The following ARHGAP15 variants were observed in gnomAD, a reference collection of about 807,000 sequenced individuals.
ARHGAP15 encodes rho GTPase-activating protein 15.
A neutral mutation model predicts 63.7 loss-of-function variants in ARHGAP15; 51 were observed. The ratio of observed to expected loss-of-function variants is 0.80; its 90% confidence interval spans 0.64 to 1.01. The LOEUF (loss-of-function observed/expected upper bound fraction) is 1.01, where lower values mean the gene tolerates loss of function less well. Among genes scored for constraint, ARHGAP15 ranks in the 50% least tolerant of loss-of-function variants. The pLI, the probability that ARHGAP15 is intolerant of heterozygous loss-of-function variation, is 0.00. For missense variants in ARHGAP15, 560 were observed against 564.6 expected, an observed-to-expected ratio of 0.99 and a Z score of 0.08; for synonymous variants, 191 against 193.8, an observed-to-expected ratio of 0.99 and a Z score of 0.12.
At chr2:143,233,192 T>A (rs1253707591) in intron 5 of ARHGAP15, among the ~76,000 whole-genome samples, 3 of 152,132 alleles carry the variant, frequency 2.0e-5, no homozygotes, top group Non-Finnish European at 4.4e-5. Context: ...CATTCTTTGC[T>A]ATTTATTTCT....
intron 6 of ARHGAP15, among the ~76,000 whole-genome samples, chr2:143,302,910 T>TAAG (rs1394542296): frequency 6.9e-6 from 1 of 143,934 alleles, no homozygotes; most frequent in Non-Finnish European, 1.6e-5. Context: ...CCTCTGTAAA[T>TAAG]AAGTATAAAA....
At chr2:143,141,305 G>A (rs901895822) in intron 1 of ARHGAP15, among the ~76,000 whole-genome samples, 1 of 152,076 alleles carries the variant, frequency 6.6e-6, no homozygotes, top group Admixed American at 6.6e-5. Flanking sequence ...ACCAATTTCA[G>A]TACTAATTCT....
intron 12 of ARHGAP15, among the ~76,000 whole-genome samples, chr2:143,631,364 G>A (rs976814545): frequency 6.6e-6 from 1 of 152,020 alleles, no homozygotes; most frequent in Non-Finnish European, 1.5e-5. Context: ...TGGTTCATAT[G>A]GTAGGTATAT....
intron 8 of ARHGAP15, among the ~76,000 whole-genome samples, chr2:143,457,375 C>CA (rs1462372378): frequency 6.6e-6 from 1 of 151,816 alleles, no homozygotes; most frequent in African/African-American, 2.4e-5. Flanking sequence ...CCAGTCTCCA[C>CA]AAAAAATAAA....
intron 6 of ARHGAP15, among the ~76,000 whole-genome samples, chr2:143,377,428 T>A (rs1165194825): frequency 6.6e-6 from 1 of 151,810 alleles, no homozygotes; most frequent in Admixed American, 6.6e-5. Flanking sequence ...ATTGAAAAAA[T>A]AAAATAATAA....
chr2:143,210,285 G>C (rs986810135), intron 3 of ARHGAP15, among the ~76,000 whole-genome samples: 2 of 152,000 alleles, frequency 1.3e-5, no homozygotes, highest in Non-Finnish European at 2.9e-5. Context: ...ATACAAAAAG[G>C]GTGCCTTCCT....
chr2:143,369,392 A>C (rs1238484312), intron 6 of ARHGAP15, among the ~76,000 whole-genome samples: 1 of 152,148 alleles, frequency 6.6e-6, no homozygotes, highest in Non-Finnish European at 1.5e-5. Flanking sequence ...ATTATATAAA[A>C]TATATTTTCT....
chr2:143,695,590 A>G (rs898772846), intron 12 of ARHGAP15, among the ~76,000 whole-genome samples: 8 of 152,170 alleles, frequency 5.3e-5, no homozygotes, highest in Non-Finnish European at 1.0e-4. Context: ...TTACTTAAGC[A>G]GGATATGGTG....
At chr2:143,370,935 C>A (rs1191604038) in intron 6 of ARHGAP15, among the ~76,000 whole-genome samples, 1 of 152,158 alleles carries the variant, frequency 6.6e-6, no homozygotes, top group Admixed American at 6.5e-5. Context: ...TTAATCATGA[C>A]TTTTTTTCTC....
intron 1 of ARHGAP15, among the ~76,000 whole-genome samples, chr2:143,143,509 A>T (rs982283767): frequency 6.8e-6 from 1 of 146,748 alleles, no homozygotes. Flanking sequence ...AATTTTGTGG[A>T]TTTTTTTTTC....
intron 2 of ARHGAP15, among the ~76,000 whole-genome samples, chr2:143,166,347 C>G (rs1165175563): frequency 1.3e-5 from 2 of 152,128 alleles, no homozygotes; most frequent in Admixed American, 1.3e-4. Flanking sequence ...GTGTGTCCCT[C>G]TAAGAGTCCC....
intron 6 of ARHGAP15, among the ~76,000 whole-genome samples, chr2:143,312,636 A>G (rs778640840): frequency 2.0e-5 from 3 of 152,162 alleles, no homozygotes; most frequent in Non-Finnish European, 4.4e-5. Flanking sequence ...GTGAATTCAT[A>G]TTAACAGATG....
chr2:143,192,160 C>T (rs1039780921), intron 2 of ARHGAP15, among the ~76,000 whole-genome samples: 1 of 152,174 alleles, frequency 6.6e-6, no homozygotes, highest in African/African-American at 2.4e-5. Context: ...TTGGTTTTGG[C>T]CATTGGGTAT....
intron 11 of ARHGAP15, among the ~76,000 whole-genome samples, chr2:143,600,723 T>A (rs567381421): frequency 6.4e-4 from 97 of 152,272 alleles, no homozygotes; most frequent in African/African-American, 2.3e-3. Context: ...TCAGAAAAAC[T>A]GGGCTTTAAA....
intron 8 of ARHGAP15, among the ~76,000 whole-genome samples, chr2:143,470,568 G>A (rs1691470153): frequency 6.7e-6 from 1 of 149,726 alleles, no homozygotes; most frequent in Non-Finnish European, 1.5e-5. Flanking sequence ...TAGCATAAAA[G>A]TAGTGTGTGT....
At chr2:143,559,638 C>T (rs1480543340) in intron 11 of ARHGAP15, among the ~76,000 whole-genome samples, 2 of 152,176 alleles carry the variant, frequency 1.3e-5, no homozygotes, top group African/African-American at 4.8e-5. Context: ...GGCCCCACAA[C>T]CTTGTTGCTA....
chr2:143,750,686 C>T (rs982023138), intron 13 of ARHGAP15, among the ~76,000 whole-genome samples: 4 of 152,180 alleles, frequency 2.6e-5, no homozygotes, highest in African/African-American at 9.7e-5. Flanking sequence ...AAGAGAATCA[C>T]ATGCAGAGCG....
chr2:143,760,412 A>G (rs1304406459), intron 13 of ARHGAP15, among the ~76,000 whole-genome samples: 1 of 152,146 alleles, frequency 6.6e-6, no homozygotes, highest in Non-Finnish European at 1.5e-5. Context: ...CTGATATTCC[A>G]TTTTATCTGT....
intron 10 of ARHGAP15, among the ~76,000 whole-genome samples, chr2:143,528,256 G>C (rs1047776959): frequency 2.0e-5 from 3 of 152,006 alleles, no homozygotes; most frequent in Non-Finnish European, 4.4e-5. Flanking sequence ...TCAGGCTTAG[G>C]CTCAGTTCCC....
Sources: allele counts gnomAD v4.1 joint callset (sites outside exome capture counted in the v4.1 genomes callset), GRCh38; gene constraint gnomAD v4.1.1; transcripts MANE v1.5; gene names NCBI Gene and HGNC (gene_info 2026-07-23, HGNC 2026-07-21).